The following MYO18B variants were observed in gnomAD, a reference collection of about 807,000 sequenced individuals.
MYO18B encodes the protein unconventional myosin-XVIIIb.
In MYO18B, 204 loss-of-function variants were observed where a neutral mutation model predicts 273.0. That is an observed-to-expected ratio of 0.75 (90% CI 0.67 to 0.84). The LOEUF is 0.84. MYO18B is among the 40% of genes least tolerant of loss of function. MYO18B has a pLI of 0.00. For synonymous variants in MYO18B, 1,330 were observed against 1,305.7 expected, an observed-to-expected ratio of 1.02 and a Z score of -0.40; for missense variants, 3,212 against 3,287.6, an observed-to-expected ratio of 0.98 and a Z score of 0.56.
chr22:25,835,396 T>C lies in MYO18B; in HGVS notation c.3161T>C (p.Leu1054Pro), dbSNP rs765870937. Residue 1054 changes from leucine (L) to proline (P), a missense_variant, in exon 17 of 44, where the codon CTC becomes CCC. Leu to Pro is a moderately conservative substitution (Grantham distance 98). Coordinates refer to ENST00000335473, the MANE Select transcript of MYO18B (RefSeq NM_032608.7). Reference protein sequence around the residue: ...HVEGSSDSVVLERLCAAFEKK... With the variant: ...HVEGSSDSVVPERLCAAFEKK... The stretch of plus-strand genomic sequence containing the variant: ...GAGGGCTCCAGTGACAGTGTGGTGC[T>C]CGAGCGTCTGTGTGCTGCTTTCGAG... 160 of 1,613,852 alleles carry C rather than the reference T, an allele frequency of 9.9e-5. 1 individual carries two copies. In the East Asian group the frequency reaches 3.5e-3, roughly 35 times the overall value.
chr22:25,794,263 G>T (rs1038296943), intron 11 of MYO18B, among the ~76,000 whole-genome samples: 1 of 151,656 alleles, frequency 6.6e-6, no homozygotes, highest in Non-Finnish European at 1.5e-5. Context: ...CTGGAGTGCA[G>T]TGGTGTGATC....
chr22:26,036,798 A>G, the MYO18B span, among the ~76,000 whole-genome samples: 1 of 152,214 alleles, frequency 6.6e-6, no homozygotes, highest in Admixed American at 6.5e-5. Context: ...GCAGTCCCTT[A>G]AAGCACAGTG....
At chr22:26,039,241 C>T in the MYO18B span, among the ~76,000 whole-genome samples, 2 of 152,186 alleles carry the variant, frequency 1.3e-5, no homozygotes, top group African/African-American at 2.4e-5. Flanking sequence ...CTCTCACAGA[C>T]ACTATAGATG....
chr22:25,993,544 G>A (rs16981163), intron 40 of MYO18B, among the ~76,000 whole-genome samples: 6,421 of 152,246 alleles, frequency 0.042, 155 homozygotes, highest in African/African-American at 0.072. Flanking sequence ...ATCAGTCCTT[G>A]GAATGCATCC....
intron 12 of MYO18B, among the ~76,000 whole-genome samples, chr22:25,801,140 G>GT (rs750496183): frequency 3.9e-4 from 59 of 150,908 alleles, no homozygotes; most frequent in South Asian, 6.3e-4. Flanking sequence ...CATTAATCAG[G>GT]TTTTTTTTTC....
intron 39 of MYO18B, among the ~76,000 whole-genome samples, chr22:25,991,567 GATAAAATCCA>G (rs1337008389): frequency 6.6e-6 from 1 of 152,190 alleles, no homozygotes; most frequent in Admixed American, 6.5e-5. Context: ...CAAGAGTCCA[GATAAAATCCA>G]ATTAGAAAAG....
chr22:25,805,121 G>A (rs980700330), intron 12 of MYO18B, among the ~76,000 whole-genome samples: 5 of 152,194 alleles, frequency 3.3e-5, no homozygotes, highest in African/African-American at 7.2e-5. Context: ...CAGTGGGGAT[G>A]GAACTGGGCA....
At chr22:25,940,200 G>T (rs949461775) in intron 34 of MYO18B, among the ~76,000 whole-genome samples, 1 of 152,164 alleles carries the variant, frequency 6.6e-6, no homozygotes, top group Admixed American at 6.5e-5. Context: ...ATTCCCACGT[G>T]TCATGAGAGG....
chr22:25,775,521 CCCT>C (rs1345375373), intron 7 of MYO18B, among the ~76,000 whole-genome samples: 2 of 152,170 alleles, frequency 1.3e-5, no homozygotes, highest in Non-Finnish European at 2.9e-5. Context: ...CCTTTTGGTG[CCCT>C]CCTGCTGACC....
At chr22:25,856,864 G>T (rs995817714) in intron 21 of MYO18B, among the ~76,000 whole-genome samples, 8 of 152,156 alleles carry the variant, frequency 5.3e-5, no homozygotes, top group African/African-American at 1.9e-4. Context: ...TTTCAGCAGG[G>T]GCGTGGCATA....
intron 15 of MYO18B, among the ~76,000 whole-genome samples, chr22:25,829,832 C>T (rs2089642316): frequency 6.6e-6 from 1 of 151,092 alleles, no homozygotes; most frequent in Non-Finnish European, 1.5e-5. Flanking sequence ...AGAGAGACTC[C>T]ATCTCAAAAA....
intron 39 of MYO18B, among the ~76,000 whole-genome samples, chr22:25,972,948 T>C (rs1239856278): frequency 1.4e-5 from 2 of 143,740 alleles, no homozygotes; most frequent in African/African-American, 2.6e-5. Context: ...AAAGTGACTC[T>C]GTCTCAAAGG....
chr22:25,796,630 T>C (rs1173299606), intron 11 of MYO18B, among the ~76,000 whole-genome samples: 2 of 151,776 alleles, frequency 1.3e-5, no homozygotes, highest in Non-Finnish European at 1.5e-5. Flanking sequence ...CAGTTTTCTA[T>C]TGCTGCACGG....
At chr22:25,788,612 T>C (rs2087501394) in intron 11 of MYO18B, among the ~76,000 whole-genome samples, 1 of 152,188 alleles carries the variant, frequency 6.6e-6, no homozygotes. Context: ...ATGAAAAAAA[T>C]TATCCATTGT....
intron 39 of MYO18B, among the ~76,000 whole-genome samples, chr22:25,970,011 T>A (rs2093019974): frequency 6.6e-6 from 1 of 151,920 alleles, no homozygotes; most frequent in African/African-American, 2.4e-5. Context: ...ACACATCATC[T>A]TTTCCACCAT....
At chr22:25,886,663 G>A (rs2091510262) in intron 25 of MYO18B, among the ~76,000 whole-genome samples, 1 of 152,148 alleles carries the variant, frequency 6.6e-6, no homozygotes, top group Admixed American at 6.5e-5. Flanking sequence ...ATGGCTGCCT[G>A]GTTTGTTCTA....
At chr22:25,963,022 C>T (rs960454059) in intron 39 of MYO18B, among the ~76,000 whole-genome samples, 1 of 151,984 alleles carries the variant, frequency 6.6e-6, no homozygotes. Context: ...ATCTCTTCCT[C>T]CTCCCTCTTC....
chr22:25,773,083 A>G (rs2086782267), intron 7 of MYO18B, among the ~76,000 whole-genome samples: 1 of 152,094 alleles, frequency 6.6e-6, no homozygotes, highest in African/African-American at 2.4e-5. Flanking sequence ...GAAACGGCCA[A>G]TTTTTGTTGA....
intron 7 of MYO18B, among the ~76,000 whole-genome samples, chr22:25,774,319 C>G (rs763062369): frequency 1.3e-5 from 2 of 152,208 alleles, no homozygotes; most frequent in Non-Finnish European, 2.9e-5. Context: ...GGCACGTGCC[C>G]TCTCCCGTCC....
Sources: allele counts gnomAD v4.1 joint callset (sites outside exome capture counted in the v4.1 genomes callset), GRCh38; gene constraint gnomAD v4.1.1; transcripts MANE v1.5; gene names NCBI Gene and HGNC (gene_info 2026-07-23, HGNC 2026-07-21).